The following AKIRIN2 variants were observed in gnomAD, a reference collection of about 807,000 sequenced individuals.
AKIRIN2 encodes the protein akirin-2.
AKIRIN2 carries 6 observed loss-of-function variants against 29.3 expected under a neutral mutation model. The ratio of observed to expected loss-of-function variants is 0.20; its 90% confidence interval spans 0.11 to 0.40. The LOEUF is 0.40. Among genes scored for constraint, AKIRIN2 ranks in the 10% least tolerant of loss-of-function variants. The pLI is 1.00. For missense variants in AKIRIN2, 210 were observed against 276.1 expected (o/e 0.76, Z 1.70); for synonymous variants, 128 against 117.5 (o/e 1.09, Z -0.58).
At chr6:87,675,718 G>T (rs1770960203) in intron 4 of AKIRIN2, 111 bp from the exon 5 acceptor site, 2 of 1,473,302 alleles carry the variant, frequency 1.4e-6, no homozygotes, top group Non-Finnish European at 1.9e-6. Flanking sequence ...CAAAAGACTT[G>T]CAAAGTTATG....
intron 2 of AKIRIN2, among the ~76,000 whole-genome samples, chr6:87,681,024 G>A (rs78642115): frequency 0.031 from 4,770 of 151,794 alleles, 250 homozygotes; most frequent in African/African-American, 0.11. Context: ...CCTAACAAAG[G>A]AGCATACAGT....
At chr6:87,694,229 A>G (rs182561500) in intron 1 of AKIRIN2, among the ~76,000 whole-genome samples, 14 of 152,352 alleles carry the variant, frequency 9.2e-5, no homozygotes, top group Non-Finnish European at 1.5e-4. Context: ...ATACTGACAC[A>G]ATTTCAGAAA....
At chr6:87,696,034 G>T (rs1466128378) in intron 1 of AKIRIN2, among the ~76,000 whole-genome samples, 1 of 151,992 alleles carries the variant, frequency 6.6e-6, no homozygotes, top group African/African-American at 2.4e-5. Flanking sequence ...ACAAAAATTA[G>T]CTGGGCATGG....
At chr6:87,676,968 A>G (rs1562395823) in intron 3 of AKIRIN2, among the ~76,000 whole-genome samples, 1 of 150,756 alleles carries the variant, frequency 6.6e-6, no homozygotes, top group Non-Finnish European at 1.5e-5. Flanking sequence ...TCCCAGCTAC[A>G]CAGGAGGCTG....
chr6:87,700,772 T>C (rs945974105), intron 1 of AKIRIN2: 1 of 154,718 alleles, frequency 6.5e-6, no homozygotes, highest in Admixed American at 6.5e-5. Context: ...AAGTTCAACA[T>C]TTCTCAAGGT....
intron 3 of AKIRIN2, 86 bp downstream of exon 3, chr6:87,677,732 G>T (rs1479121248): frequency 4.1e-6 from 6 of 1,453,996 alleles, no homozygotes; most frequent in South Asian, 3.9e-5. Flanking sequence ...CCGCACCAGT[G>T]TATAGAAAGT....
rs1771046931 is a variant in AKIRIN2 at position 87,677,777 on chromosome 6, CA to C, written c.529+40del. ...GTACACGTGGAAAATGCATTTCACACAACTGAGTTCCTCAGAAACTCTAATA... is the reference window on the plus strand; with the variant it reads ...GTACACGTGGAAAATGCATTTCACACACTGAGTTCCTCAGAAACTCTAATA... On this transcript the variant is annotated intron_variant, in intron 3 of 4. Coordinates refer to ENST00000257787, the MANE Select transcript of AKIRIN2 (RefSeq NM_018064.4). 12 of 1,592,488 alleles carry C rather than the reference CA, an allele frequency of 7.5e-6. No individual in the cohort carries two copies. In the South Asian group the frequency reaches 1.2e-4, roughly 16 times the overall value.
At chr6:87,695,458 GT>G (rs1771345447) in intron 1 of AKIRIN2, among the ~76,000 whole-genome samples, 1 of 152,184 alleles carries the variant, frequency 6.6e-6, no homozygotes, top group African/African-American at 2.4e-5. Context: ...ATGCCTGATA[GT>G]TTTGTATAGG....
At chr6:87,701,343 A>T (rs1771460672) in intron 1 of AKIRIN2, 107 bp downstream of exon 1, 4 of 1,219,014 alleles carry the variant, frequency 3.3e-6, no homozygotes, top group African/African-American at 3.2e-5. Context: ...GCTAAGAACA[A>T]GAACCACACA....
At chr6:87,690,036 C>T (rs944374981) in intron 1 of AKIRIN2, among the ~76,000 whole-genome samples, 6 of 151,982 alleles carry the variant, frequency 3.9e-5, no homozygotes, top group Non-Finnish European at 5.9e-5. Context: ...CATGGTGAAA[C>T]CCTGTCTCTA....
chr6:87,688,188 A>C (rs1248251129), intron 1 of AKIRIN2, among the ~76,000 whole-genome samples: 1 of 151,998 alleles, frequency 6.6e-6, no homozygotes. Context: ...CTGTAGTGCA[A>C]TGGTGTGATC....
intron 3 of AKIRIN2, among the ~76,000 whole-genome samples, chr6:87,676,994 G>A (rs1187843821): frequency 6.7e-6 from 1 of 150,138 alleles, no homozygotes; most frequent in Admixed American, 6.6e-5. Flanking sequence ...GGAGAATGGC[G>A]TGAACCCGGA....
intron 1 of AKIRIN2, among the ~76,000 whole-genome samples, chr6:87,693,472 G>A (rs111374673): frequency 1.3e-5 from 2 of 152,322 alleles, no homozygotes; most frequent in African/African-American, 4.8e-5. Context: ...GCTCACGCCT[G>A]TAATCCCAGC....
chr6:87,677,985 A>C lies in AKIRIN2; in HGVS notation c.380-18T>G, dbSNP rs56230417. Reference sequence around the variant, plus strand: ...TGAAGTCCCTATGTACAATGAGGACAAAAAATAGCACCTGGTTTAGAGCCA... The same window carrying C: ...TGAAGTCCCTATGTACAATGAGGACCAAAAATAGCACCTGGTTTAGAGCCA... On this transcript the variant is annotated intron_variant, in intron 2 of 4. Coordinates refer to ENST00000257787, the MANE Select transcript of AKIRIN2 (RefSeq NM_018064.4). 3,763 of 1,600,512 alleles carry C rather than the reference A, an allele frequency of 2.4e-3. 7 individuals are homozygous for C. The highest frequency in any genetic ancestry group is 2.7e-3 in the Non-Finnish European group (3,204 of 1,173,156).
In AKIRIN2 at chr6:87,702,232, C is replaced by G. The variant is rs1015949572; in HGVS notation, c.-548G>C. The G allele has an allele frequency of 1.8e-5, 7 of 397,052 alleles. No homozygotes were observed. Among genetic ancestry groups the G allele is most frequent in the African/African-American group, 6.2e-5 (3 of 48,618 alleles). 24.6% of individuals were successfully genotyped at this position (397,052 alleles called of 1,614,324 possible). A position where few individuals can be genotyped will look rare whatever the true frequency, so the allele number is the denominator to read the frequency against. ...ACCGCTTCCCCTCCCTCGTAGAACT[C>G]TCCCACCCGCCGCCGGCCCCAATAT... On this transcript the variant is annotated 5_prime_UTR_variant, in exon 1 of 5. Coordinates refer to ENST00000257787, the MANE Select transcript of AKIRIN2 (RefSeq NM_018064.4).
At chr6:87,701,409 G>C (rs1273264199) in intron 1 of AKIRIN2, 41 bp downstream of exon 1, 1 of 1,528,978 alleles carries the variant, frequency 6.5e-7, no homozygotes, top group South Asian at 1.2e-5. Context: ...CCTGTTCCCA[G>C]TTCTCTCCAC....
intron 1 of AKIRIN2, among the ~76,000 whole-genome samples, chr6:87,697,026 A>C: frequency 6.6e-6 from 1 of 151,714 alleles, no homozygotes; most frequent in Non-Finnish European, 1.5e-5. Context: ...AACAAAAAAA[A>C]AGCCGGCGGC....
At chr6:87,687,257 C>G (rs1411773915) in intron 1 of AKIRIN2, among the ~76,000 whole-genome samples, 1 of 148,080 alleles carries the variant, frequency 6.8e-6, no homozygotes, top group East Asian at 2.0e-4. Flanking sequence ...AAACACACAA[C>G]TTGGGCAGGG....
rs1470586541 is a variant in AKIRIN2 at position 87,701,925 on chromosome 6, G to T, written c.-241C>A. The T allele has an allele frequency of 4.9e-6, 2 of 412,020 alleles. No individual in the cohort carries two copies. The highest frequency in any genetic ancestry group is 8.6e-6 in the Non-Finnish European group (2 of 233,492). 25.5% of individuals were successfully genotyped at this position (412,020 alleles called of 1,614,324 possible). On this transcript the variant is annotated 5_prime_UTR_variant, in exon 1 of 5. Coordinates refer to ENST00000257787, the MANE Select transcript of AKIRIN2 (RefSeq NM_018064.4). ...GCGGGAGGGGCGGTGGCGGGCAGAA[G>T]CACACGCCAGTCGCGTCAGGGGGGT...
Sources: allele counts gnomAD v4.1 joint callset (sites outside exome capture counted in the v4.1 genomes callset), GRCh38; gene constraint gnomAD v4.1.1; transcripts MANE v1.5; gene names NCBI Gene and HGNC (gene_info 2026-07-23, HGNC 2026-07-21).